NIBAN2: variants seen among roughly 807,000 people sequenced by gnomAD.
NIBAN2 encodes the protein niban apoptosis regulator 2.
NIBAN2 carries 36 observed loss-of-function variants against 81.8 expected under a neutral mutation model. The observed-to-expected ratio is 0.44, with a 90% CI of 0.34 to 0.58. NIBAN2 has a LOEUF of 0.58. Among genes scored for constraint, NIBAN2 ranks in the 20% least tolerant of loss-of-function variants. The pLI is 0.02. For missense variants in NIBAN2, 897 were observed against 1,014.1 expected (o/e 0.88, Z 1.57); for synonymous variants, 445 against 441.6 (o/e 1.01, Z -0.10).
chr9:127,527,993 C>T (rs1180618454), intron 2 of NIBAN2, among the ~76,000 whole-genome samples: 1 of 152,176 alleles, frequency 6.6e-6, no homozygotes, highest in Admixed American at 6.5e-5. Context: ...CAGAAACGCC[C>T]GGACCTTCCT....
In NIBAN2 at chr9:127,507,857, C is replaced by T. The variant is rs770634489; in HGVS notation, c.1654+10G>A. On this transcript the variant is annotated intron_variant, in intron 13 of 13. Coordinates refer to ENST00000373312, the MANE Select transcript of NIBAN2 (RefSeq NM_022833.4). The surrounding 1 kb of genome is among the most constrained non-coding windows in gnomAD (Gnocchi z 6.8). ...CCTGGCAACAGTCCCCACCCCGGGA[C>T]GGCACCCACCCTGCAGGATGTCCTT... is the stretch of plus-strand genomic sequence containing the variant. 41 of 1,612,424 alleles carry T rather than the reference C, an allele frequency of 2.5e-5. No individual in the cohort carries two copies. The highest frequency in any genetic ancestry group is 4.4e-5 in the South Asian group (4 of 91,058).
At chr9:127,544,991 T>C (rs892647573) in intron 1 of NIBAN2, among the ~76,000 whole-genome samples, 4 of 152,102 alleles carry the variant, frequency 2.6e-5, no homozygotes, top group Non-Finnish European at 4.4e-5. Flanking sequence ...CTGCCCAGGG[T>C]CCCATTGCCC....
At position 127,542,972 on chromosome 9, in the gene NIBAN2, G is replaced by A. The variant is rs144392682; in HGVS notation, c.56-11194C>T. 4.1e-3 allele frequency among the ~76,000 whole-genome samples: 626 copies of A among 152,246 alleles called. 1 individual carries two copies. Among genetic ancestry groups the A allele is most frequent in the Non-Finnish European group, 6.6e-3 (448 of 67,992 alleles). The stretch of plus-strand genomic sequence containing the variant: ...ACTCCTGACCTCAGGTGATCCACCC[G>A]CCTCAGCCTCCCAAAGTGCTGGGGT... On this transcript the variant is annotated intron_variant, in intron 1 of 13. Transcript: ENST00000373312.
chr9:127,516,960 C>A lies in NIBAN2; in HGVS notation c.870G>T (p.Val290=). The change falls in exon 8 of 14, where the codon GTG becomes GTT. Residue 290 remains valine, a synonymous_variant. Transcript: ENST00000373312. The part of the protein sequence containing the change: ...YEQAKARFEE[V]LSKVQQVQPA... ...GCTGCACCTGCTGCACCTTGGACAG[C>A]ACCTCCTCGAAGCGCGCCTTGGCCT... 2 of 1,614,114 alleles carry A rather than the reference C, an allele frequency of 1.2e-6. No individual in the cohort carries two copies. Among genetic ancestry groups the A allele is most frequent in the Non-Finnish European group, 1.7e-6 (2 of 1,180,008 alleles).
intron 1 of NIBAN2, among the ~76,000 whole-genome samples, chr9:127,564,671 AAGACC>A (rs1425029154): frequency 6.6e-6 from 1 of 152,012 alleles, no homozygotes; most frequent in Non-Finnish European, 1.5e-5. Flanking sequence ...TCAGGAGTTC[AAGACC>A]AGCCTGGCCA....
At chr9:127,562,117 G>A (rs926259740) in intron 1 of NIBAN2, among the ~76,000 whole-genome samples, 24 of 152,170 alleles carry the variant, frequency 1.6e-4, no homozygotes, top group African/African-American at 5.3e-4. Context: ...ACTGAGTAAT[G>A]ACGGGTGGGA....
At chr9:127,524,879 C>T in intron 4 of NIBAN2, 179 bp downstream of exon 4, 1 of 566,240 alleles carries the variant, frequency 1.8e-6, no homozygotes, top group Non-Finnish European at 3.2e-6. Flanking sequence ...TTCCAGGAGG[C>T]TCTCAAGGAC....
At chr9:127,541,689 T>C (rs934311714) in intron 1 of NIBAN2, among the ~76,000 whole-genome samples, 1 of 152,116 alleles carries the variant, frequency 6.6e-6, no homozygotes, top group Non-Finnish European at 1.5e-5. Flanking sequence ...GCAGCCAGAA[T>C]CTGGCAGGCC....
intron 8 of NIBAN2, among the ~76,000 whole-genome samples, chr9:127,515,268 C>T (rs1225598699): frequency 6.6e-6 from 1 of 152,056 alleles, no homozygotes; most frequent in African/African-American, 2.4e-5. Flanking sequence ...CGCCTATAAT[C>T]CCAGCATTTT....
chr9:127,546,104 G>A (rs1001298964), intron 1 of NIBAN2, among the ~76,000 whole-genome samples: 71 of 152,316 alleles, frequency 4.7e-4, no homozygotes, highest in African/African-American at 1.7e-3. Context: ...CCAAGGCCAC[G>A]CCCAAGGAGG....
intron 2 of NIBAN2, 31 bp from the exon 3 acceptor site, chr9:127,527,353 C>G (rs757198609): frequency 6.2e-7 from 1 of 1,605,414 alleles, no homozygotes; most frequent in Non-Finnish European, 8.5e-7. Context: ...GGAGTGAGGC[C>G]CAGGTCTGGG....
intron 1 of NIBAN2, among the ~76,000 whole-genome samples, chr9:127,538,003 C>T (rs1837309742): frequency 1.3e-5 from 2 of 152,212 alleles, no homozygotes; most frequent in South Asian, 4.1e-4. Flanking sequence ...CTGTCTCCAC[C>T]TGGTGTCTCT....
chr9:127,512,037 A>G (rs760562819), intron 8 of NIBAN2, among the ~76,000 whole-genome samples: 1 of 152,208 alleles, frequency 6.6e-6, no homozygotes, highest in East Asian at 1.9e-4. Flanking sequence ...TTACGAAGCT[A>G]AAGGGAAAAG....
Position 127,568,861 on chromosome 9 carries a change from A to G in NIBAN2, c.14T>C (p.Leu5Pro). ...CCGGGCGTCGTCCAGGTGCGTGGAC[A>G]GCACGTCCCCCATGGCCAGGAGGTG... MGDV[L>P]STHLDDARRQ... Residue 5 changes from leucine to proline, a missense_variant, in exon 1 of 14, where the codon CTG becomes CCG. This residue lies in a region of NIBAN2 where 209 missense variants were observed against 208.4 expected (regional missense o/e 1.00). Transcript: ENST00000373312. 1 of 1,363,530 alleles carries G rather than the reference A, an allele frequency of 7.3e-7. No individual in the cohort carries two copies. The highest frequency in any genetic ancestry group is 9.5e-7 in the Non-Finnish European group (1 of 1,053,188). The allele number at this position is 1,363,530 out of a possible 1,614,324, so 84.5% of individuals were successfully genotyped here.
chr9:127,565,863 G>C (rs1021947304), intron 1 of NIBAN2, among the ~76,000 whole-genome samples: 7 of 150,988 alleles, frequency 4.6e-5, no homozygotes, highest in South Asian at 4.2e-4. Context: ...GGAGGCCAAG[G>C]CTCCCAAAGG....
chr9:127,514,609 A>T (rs1836791731), intron 8 of NIBAN2, among the ~76,000 whole-genome samples: 2 of 152,242 alleles, frequency 1.3e-5, no homozygotes, highest in South Asian at 4.1e-4. Flanking sequence ...TAGTAGATTC[A>T]ATGAGCCTCT....
At position 127,507,142 on chromosome 9, in the gene NIBAN2, G is replaced by C; in HGVS notation, c.1944C>G (p.Asp648Glu). The C allele has an allele frequency of 6.2e-7, 1 of 1,604,416 alleles. No individual in the cohort carries two copies. The highest frequency in any genetic ancestry group is 1.1e-5 in the South Asian group (1 of 89,886). ...SPESPPPASPDGVTEIRGLLA... is the reference protein window; with the variant it reads ...SPESPPPASPEGVTEIRGLLA... ...GCAGGCCTCGGATCTCAGTGACACCGTCCGGGGACGCAGGTGGTGGTGACT... is the reference window on the plus strand; with the variant it reads ...GCAGGCCTCGGATCTCAGTGACACCCTCCGGGGACGCAGGTGGTGGTGACT... The change falls in exon 14 of 14, where the codon GAC (aspartate) becomes GAG (glutamate). Residue 648 changes from aspartate (D) to glutamate (E), a missense_variant. By Grantham distance (45) the Asp-to-Glu change is conservative. Coordinates refer to ENST00000373312, the MANE Select transcript of NIBAN2 (RefSeq NM_022833.4). This position sits in a 1 kb window ranked among gnomAD's most constrained non-coding sequence, Gnocchi z 6.8.
At position 127,523,195 on chromosome 9, in the gene NIBAN2, ATATATATATATAT is replaced by A. The variant is rs1836989359; in HGVS notation, c.589+471_589+483del. ...AAAAAAAAAAAAAAAAAAAAAAAAT[ATATATATATATAT>A]ATATATATATATATATATATATATA... On this transcript the variant is annotated intron_variant, in intron 5 of 13. Coordinates refer to ENST00000373312, the MANE Select transcript of NIBAN2 (RefSeq NM_022833.4). Among the ~76,000 whole-genome samples the A allele has an allele frequency of 3.3e-3, 15 of 4,564 alleles. 2 individuals are homozygous for A. The highest frequency in any genetic ancestry group is 0.024 in the East Asian group (2 of 82). The allele number at this position is 4,564 out of a possible 152,430, so 3.0% of individuals were successfully genotyped here. A position where few individuals can be genotyped will look rare whatever the true frequency, so the allele number is the denominator to read the frequency against.
chr9:127,509,194 C>A, intron 9 of NIBAN2, 63 bp from the exon 10 acceptor site: 7 of 1,490,094 alleles, frequency 4.7e-6, no homozygotes, highest in Non-Finnish European at 5.4e-6. Context: ...GCACCCCCCA[C>A]ACACTTTGCC....
Sources: allele counts gnomAD v4.1 joint callset (sites outside exome capture counted in the v4.1 genomes callset), GRCh38; gene constraint gnomAD v4.1.1; regional missense constraint gnomAD v4.1.1; non-coding constraint Gnocchi (gnomAD v3.1); transcripts MANE v1.5; gene names NCBI Gene and HGNC (gene_info 2026-07-23, HGNC 2026-07-21).